The following RANBP3L variants were observed in gnomAD, a reference collection of about 807,000 sequenced individuals.
The protein encoded by RANBP3L is RAN binding protein 3 like.
A neutral mutation model predicts 67.2 loss-of-function variants in RANBP3L; 56 were observed. The ratio of observed to expected loss-of-function variants is 0.83; its 90% CI spans 0.67 to 1.04. The LOEUF is 1.04. RANBP3L is among the 50% of genes least tolerant of loss of function. The pLI, the probability that RANBP3L is intolerant of heterozygous loss-of-function variation, is 0.00. For synonymous variants in RANBP3L, 164 were observed against 181.4 expected (o/e 0.90, Z 0.77); for missense variants, 496 against 535.5 (o/e 0.93, Z 0.73).
chr5:36,267,625 G>A (rs538158751), intron 4 of RANBP3L, among the ~76,000 whole-genome samples: 177 of 152,248 alleles, frequency 1.2e-3, no homozygotes, highest in African/African-American at 4.1e-3. Flanking sequence ...AACTTAACTT[G>A]GAAAAGGCAA....
intron 1 of RANBP3L, among the ~76,000 whole-genome samples, chr5:36,273,384 A>G (rs1373739316): frequency 2.0e-5 from 3 of 152,216 alleles, no homozygotes; most frequent in Admixed American, 6.5e-5. Context: ...GGCATATAGC[A>G]AAGTAAAAAG....
chr5:36,289,173 C>A (rs1206703543), intron 1 of RANBP3L, among the ~76,000 whole-genome samples: 1 of 152,072 alleles, frequency 6.6e-6, no homozygotes, highest in Non-Finnish European at 1.5e-5. Flanking sequence ...GAAAAGCTAT[C>A]CGTTCTCCCT....
At chr5:36,254,375 C>A (rs1748815261) in intron 11 of RANBP3L, among the ~76,000 whole-genome samples, 1 of 151,884 alleles carries the variant, frequency 6.6e-6, no homozygotes, top group African/African-American at 2.4e-5. Context: ...GGAAGATAGG[C>A]CTTTAAGTGA....
chr5:36,264,847 A>G (rs1264633186), intron 6 of RANBP3L, 112 bp downstream of exon 6: 2 of 912,604 alleles, frequency 2.2e-6, no homozygotes, highest in Non-Finnish European at 3.4e-6. Context: ...ATCTAGCCCA[A>G]CAACAAAACA....
chr5:36,262,644 C>T (rs1188503882), intron 6 of RANBP3L, among the ~76,000 whole-genome samples: 2 of 152,068 alleles, frequency 1.3e-5, no homozygotes, highest in African/African-American at 4.8e-5. Flanking sequence ...ATTTACAATT[C>T]CTTCCTCGAC....
Position 36,301,517 on chromosome 5 carries a change from T to A in RANBP3L, c.-101A>T. The stretch of plus-strand genomic sequence containing the variant: ...CACCAGACACCCAGAAATACATAGA[T>A]TCATGCAGATCTTGTCTTTGCATGT... On this transcript the variant is annotated 5_prime_UTR_variant, in exon 1 of 14. Coordinates refer to ENST00000296604, the MANE Select transcript of RANBP3L (RefSeq NM_145000.5). 1.3e-6 allele frequency: 1 copy of A among 783,584 alleles called. No homozygotes were observed. Among genetic ancestry groups the A allele is most frequent in the South Asian group, 1.5e-5 (1 of 68,516 alleles). The allele number at this position is 783,584 out of a possible 1,614,324, so 48.5% of individuals were successfully genotyped here. A position where few individuals can be genotyped will look rare whatever the true frequency, so the allele number is the denominator to read the frequency against.
At chr5:36,287,874 C>T (rs1500223) in intron 1 of RANBP3L, among the ~76,000 whole-genome samples, 19,452 of 152,132 alleles carry the variant, frequency 0.13, 4,210 homozygotes, top group African/African-American at 0.44. Context: ...ATTTCCTGAG[C>T]TGTGGGTACT....
chr5:36,269,843 G>T, intron 3 of RANBP3L, 108 bp downstream of exon 3: 3 of 962,524 alleles, frequency 3.1e-6, no homozygotes, highest in Non-Finnish European at 3.4e-6. Flanking sequence ...TTTAAAAAAA[G>T]AAAAAACATT....
At chr5:36,282,829 G>A (rs1237919377) in intron 1 of RANBP3L, among the ~76,000 whole-genome samples, 3 of 151,994 alleles carry the variant, frequency 2.0e-5, no homozygotes, top group African/African-American at 7.3e-5. Context: ...TTGTGTTTGA[G>A]GGCTGAACTG....
At chr5:36,274,769 T>C (rs560679355) in intron 1 of RANBP3L, among the ~76,000 whole-genome samples, 36 of 152,132 alleles carry the variant, frequency 2.4e-4, no homozygotes, top group African/African-American at 7.0e-4. Flanking sequence ...TGAAAGGGTA[T>C]TGGGGGGAAG....
At chr5:36,271,188 C>G in intron 2 of RANBP3L, 65 bp downstream of exon 2, 2 of 927,586 alleles carry the variant, frequency 2.2e-6, no homozygotes, top group Non-Finnish European at 3.6e-6. Flanking sequence ...TTCAGGATAA[C>G]TAGCTTCCTG....
chr5:36,254,040 T>G (rs2111641238), intron 11 of RANBP3L, among the ~76,000 whole-genome samples: 1 of 152,240 alleles, frequency 6.6e-6, no homozygotes, highest in East Asian at 1.9e-4. Context: ...TAGAACTCCT[T>G]TTAAGAACTG....
intron 12 of RANBP3L, 29 bp downstream of exon 12, chr5:36,253,618 A>G: frequency 6.5e-7 from 1 of 1,541,426 alleles, no homozygotes; most frequent in Non-Finnish European, 9.0e-7. Flanking sequence ...TAGTAGGATA[A>G]TCTTCTATCA....
intron 11 of RANBP3L, among the ~76,000 whole-genome samples, chr5:36,254,474 G>A (rs990829396): frequency 6.6e-6 from 1 of 151,876 alleles, no homozygotes; most frequent in Non-Finnish European, 1.5e-5. Flanking sequence ...TTCTTTTGGG[G>A]TTTGTTTTTT....
intron 7 of RANBP3L, 100 bp downstream of exon 7, chr5:36,261,839 T>G: frequency 1.8e-6 from 1 of 544,344 alleles, no homozygotes; most frequent in Non-Finnish European, 3.3e-6. Flanking sequence ...TCTTGGCAAT[T>G]TATCCGTACA....
intron 5 of RANBP3L, 56 bp from the exon 6 acceptor site, chr5:36,265,154 C>A: frequency 1.8e-6 from 2 of 1,092,520 alleles, no homozygotes; most frequent in South Asian, 1.7e-5. Context: ...TTCCTTTACT[C>A]CCTATTTTTA....
intron 1 of RANBP3L, among the ~76,000 whole-genome samples, chr5:36,289,744 T>A (rs115087076): frequency 8.9e-4 from 136 of 152,260 alleles, no homozygotes; most frequent in African/African-American, 3.2e-3. Flanking sequence ...GATACCTTAG[T>A]AAATGCATTT....
At chr5:36,261,711 C>T (rs1749401406) in intron 7 of RANBP3L, among the ~76,000 whole-genome samples, 1 of 151,986 alleles carries the variant, frequency 6.6e-6, no homozygotes, top group South Asian at 2.1e-4. Context: ...AAGTTCTCAC[C>T]CAAGTTAATG....
rs1031090798 is a variant in RANBP3L, at chr5:36,248,111, A to T, written c.*1543T>A. ...ACTCTTCTTGATTTTAAAAAAGAGTATTTCTGTTGTCCATTCTTTTTGTCC... is the reference window on the plus strand; with the variant it reads ...ACTCTTCTTGATTTTAAAAAAGAGTTTTTCTGTTGTCCATTCTTTTTGTCC... On this transcript the variant is annotated 3_prime_UTR_variant, in exon 14 of 14. Coordinates refer to ENST00000296604, the MANE Select transcript of RANBP3L (RefSeq NM_145000.5). Among the ~76,000 whole-genome samples, 2 of 152,148 alleles carry T rather than the reference A, an allele frequency of 1.3e-5. No individual in the cohort carries two copies. The highest frequency in any genetic ancestry group is 2.9e-5 in the Non-Finnish European group (2 of 68,000).
Sources: gnomAD v4.1 joint callset for allele counts (sites outside exome capture counted in the v4.1 genomes callset) on GRCh38, gnomAD v4.1.1 for gene constraint, MANE v1.5 for transcripts, NCBI Gene and HGNC (gene_info 2026-07-23, HGNC 2026-07-21) for gene names.